Variants in HOXA3 observed in about 807,000 individuals in gnomAD.
HOXA3 encodes homeobox A3.
In HOXA3, 8 loss-of-function variants were observed where a neutral mutation model predicts 30.3. The observed-to-expected ratio is 0.26, with a 90% CI of 0.15 to 0.48. HOXA3 has a LOEUF of 0.48. Ranked by LOEUF, HOXA3 falls within the 20% of genes least tolerant of loss-of-function variation. The probability of loss-of-function intolerance (pLI) is 0.99; values close to 1 mark genes in which losing one functional copy is unlikely to be tolerated. For missense variants in HOXA3, 653 were observed against 614.4 expected, an observed-to-expected ratio of 1.06 and a Z score of -0.66; for synonymous variants, 323 against 273.1, an observed-to-expected ratio of 1.18 and a Z score of -1.80.
At position 27,125,211 on chromosome 7, in the gene HOXA3, T is replaced by C. The variant is rs17500688; in HGVS notation, c.-205+1675A>G. Among the ~76,000 whole-genome samples, 980 of 152,334 alleles carry C rather than the reference T, an allele frequency of 6.4e-3. 11 individuals are homozygous for C. Among genetic ancestry groups the C allele is most frequent in the African/African-American group, 0.021 (880 of 41,558 alleles). ...TGAGACTAAAGGTTGCATTCCACCC[T>C]CGTACTCATTAACTTAAGGAACGGT... On this transcript the variant is annotated intron_variant, in intron 3 of 5. Coordinates refer to ENST00000612286, the MANE Select transcript of HOXA3 (RefSeq NM_153631.3).
intron 1 of HOXA3, among the ~76,000 whole-genome samples, chr7:27,145,063 C>A (rs922121730): frequency 6.6e-6 from 1 of 152,228 alleles, no homozygotes; most frequent in Non-Finnish European, 1.5e-5. Flanking sequence ...GACCGAGAGA[C>A]TGGGCTCTGT....
At chr7:27,140,847 T>G (rs1782541171) in intron 1 of HOXA3, among the ~76,000 whole-genome samples, 1 of 152,196 alleles carries the variant, frequency 6.6e-6, no homozygotes, top group Non-Finnish European at 1.5e-5. Context: ...TCTGGGGCTT[T>G]GGAACAGCCT....
rs1338941808 is a variant in HOXA3 at position 27,113,650 on chromosome 7, G to C, written c.-120-2890C>G. ...CTTAACTTCTGACGAGCGCAGGCTC[G>C]GGCTCAGGCTCCGACACGGGCTCTG... On this transcript the variant is annotated intron_variant, in intron 4 of 5. Transcript: ENST00000612286. The surrounding 1 kb of genome is among the most constrained non-coding windows in gnomAD (Gnocchi z 4.8). The C allele has an allele frequency of 6.6e-6, 1 of 152,266 alleles. No individual in the cohort carries two copies. Among genetic ancestry groups the C allele is most frequent in the African/African-American group, 2.4e-5 (1 of 41,450 alleles). The allele number at this position is 152,266 out of a possible 1,614,324, so 9.4% of individuals were successfully genotyped here. A position where few individuals can be genotyped will look rare whatever the true frequency, so the allele number is the denominator to read the frequency against.
chr7:27,128,522 T>C (rs990402807), intron 2 of HOXA3: 4 of 152,388 alleles, frequency 2.6e-5, no homozygotes. Flanking sequence ...CTTAGATTTT[T>C]AATGTTTTTT....
intron 2 of HOXA3, chr7:27,128,150 G>A (rs942893199): frequency 7.9e-5 from 12 of 152,168 alleles, no homozygotes; most frequent in Admixed American, 2.0e-4. Flanking sequence ...TAGAACAGCT[G>A]CAGAAACTCC....
chr7:27,140,031 G>GAGAGAGAGAGAGAGAGAGAGAGAGAC (rs1303752230), intron 2 of HOXA3, 52 bp downstream of exon 2: 1 of 135,668 alleles, frequency 7.4e-6, no homozygotes, highest in African/African-American at 2.7e-5. Flanking sequence ...GAGAGAGAGA[G>GAGAGAGAGAGAGAGAGAGAGAGAGAC]AAAGTTTCCA....
At chr7:27,137,611 A>G (rs1414090192) in intron 2 of HOXA3, among the ~76,000 whole-genome samples, 1 of 152,246 alleles carries the variant, frequency 6.6e-6, no homozygotes, top group Non-Finnish European at 1.5e-5. Context: ...CTATGAAAAT[A>G]GGAAGAAAGA....
rs1233142244 is a variant in HOXA3, at chr7:27,110,656, T to A, written c.-16A>T. On this transcript the variant is annotated 5_prime_UTR_variant, in exon 5 of 6. Coordinates refer to ENST00000612286, the MANE Select transcript of HOXA3 (RefSeq NM_153631.3). ...CTTTTTGCATCGCGTTGTTTCACGA[T>A]CTTGATCGCACACTCTGACAGGGGT... is the stretch of plus-strand genomic sequence containing the variant. 6.3e-7 allele frequency: 1 copy of A among 1,598,662 alleles called. No individual in the cohort carries two copies. The highest frequency in any genetic ancestry group is 1.7e-5 in the Admixed American group (1 of 59,768).
intron 5 of HOXA3, chr7:27,109,911 G>A: frequency 1.6e-6 from 1 of 620,974 alleles, no homozygotes; most frequent in Non-Finnish European, 2.8e-6. Context: ...ACTCCCAGCA[G>A]GTCTCTGGTG....
chr7:27,130,022 GC>G (rs989432144), intron 2 of HOXA3: 13 of 1,385,564 alleles, frequency 9.4e-6, no homozygotes, highest in Non-Finnish European at 1.3e-5. Flanking sequence ...CCCTCCCGAG[GC>G]CCCCTTCCCC....
chr7:27,129,285 GCT>G, intron 2 of HOXA3: 2 of 1,613,952 alleles, frequency 1.2e-6, no homozygotes, highest in Non-Finnish European at 1.7e-6. Context: ...GGAGGTGTGG[GCT>G]CTGAGTTTGT....
intron 1 of HOXA3, among the ~76,000 whole-genome samples, chr7:27,144,310 T>C (rs1360806592): frequency 6.6e-6 from 1 of 152,190 alleles, no homozygotes; most frequent in Non-Finnish European, 1.5e-5. Context: ...GCAGCTACAA[T>C]TACGGCTCTG....
intron 1 of HOXA3, among the ~76,000 whole-genome samples, chr7:27,149,072 G>C (rs1782882894): frequency 6.6e-6 from 1 of 152,226 alleles, no homozygotes; most frequent in Non-Finnish European, 1.5e-5. Context: ...TTTCACTGCT[G>C]TCCCAGGCCT....
chr7:27,127,714 T>A (rs1302497436), intron 2 of HOXA3, among the ~76,000 whole-genome samples: 2 of 152,134 alleles, frequency 1.3e-5, no homozygotes, highest in Non-Finnish European at 2.9e-5. Context: ...GGGTTTTGAT[T>A]TTCAGCCTTT....
rs755946031 is a variant in HOXA3, at chr7:27,108,727, G to T, written c.527-7C>A. 17 of 1,585,456 alleles carry T rather than the reference G, an allele frequency of 1.1e-5. No individual in the cohort carries two copies. The highest frequency in any genetic ancestry group is 1.4e-5 in the Non-Finnish European group (16 of 1,163,976). On this transcript the variant is annotated splice_region_variant and splice_polypyrimidine_tract_variant and intron_variant, in intron 5 of 5. Coordinates refer to ENST00000612286, the MANE Select transcript of HOXA3 (RefSeq NM_153631.3). This position sits in a 1 kb window ranked among gnomAD's most constrained non-coding sequence, Gnocchi z 5.0. ...TCGCCAGCGCAGCTTTCGCCTGCGA[G>T]GACAGAGAGAGGAAGAGCGGCGTCA... is the stretch of plus-strand genomic sequence containing the variant.
At chr7:27,133,843 C>G (rs770759648) in intron 2 of HOXA3, among the ~76,000 whole-genome samples, 1 of 152,218 alleles carries the variant, frequency 6.6e-6, no homozygotes, top group Non-Finnish European at 1.5e-5. Context: ...CATTGACAGT[C>G]TTTGTTAAAT....
chr7:27,133,691 G>A (rs573570696), intron 2 of HOXA3, among the ~76,000 whole-genome samples: 24 of 152,352 alleles, frequency 1.6e-4, no homozygotes, highest in African/African-American at 2.4e-4. Flanking sequence ...GGGAGGCAAT[G>A]TTTTGCAGCT....
At chr7:27,132,642 A>G (rs1165267597) in intron 2 of HOXA3, among the ~76,000 whole-genome samples, 2 of 152,248 alleles carry the variant, frequency 1.3e-5, no homozygotes, top group African/African-American at 2.4e-5. Context: ...ACAGAAATCA[A>G]CACTGAGTGT....
At chr7:27,118,526 T>G (rs1006493668) in intron 4 of HOXA3, among the ~76,000 whole-genome samples, 4 of 152,200 alleles carry the variant, frequency 2.6e-5, no homozygotes, top group Non-Finnish European at 5.9e-5. Context: ...CCAGCAGTTT[T>G]GAGTTTAAGA....
Sources: allele counts gnomAD v4.1 joint callset (sites outside exome capture counted in the v4.1 genomes callset), GRCh38; gene constraint gnomAD v4.1.1; non-coding constraint Gnocchi (gnomAD v3.1); transcripts MANE v1.5; gene names NCBI Gene and HGNC (gene_info 2026-07-23, HGNC 2026-07-21).